Variants in HAVCR1 observed in about 807,000 individuals in gnomAD.
The protein encoded by HAVCR1 is T cell immunoglobin domain and mucin domain protein 1.
Under a neutral mutation model 32.0 loss-of-function variants are expected in HAVCR1, and 34 were observed. The observed-to-expected ratio is 1.06, with a 90% CI of 0.81 to 1.42. HAVCR1 has a LOEUF of 1.42. HAVCR1 is among the 40% of genes most tolerant of loss of function. HAVCR1 has a pLI of 0.00. For missense variants in HAVCR1, 420 were observed against 442.3 expected (o/e 0.95, Z 0.45); for synonymous variants, 178 against 170.3 (o/e 1.05, Z -0.35).
At chr5:157,060,221 T>TAAC (rs769179026), upstream of HAVCR1, among the ~76,000 whole-genome samples, 4 of 149,718 alleles carry the variant, frequency 2.7e-5, no homozygotes, top group South Asian at 2.1e-4. Context: ...CTCAGAAAAA[T>TAAC]AATAATAATA....
intron 2 of HAVCR1, among the ~76,000 whole-genome samples, chr5:157,056,063 C>T (rs1429566269): frequency 6.6e-6 from 1 of 151,890 alleles, no homozygotes; most frequent in Non-Finnish European, 1.5e-5. Context: ...AATTCTCATG[C>T]ATCAGCCTCC....
intron 5 of HAVCR1, among the ~76,000 whole-genome samples, chr5:157,043,794 C>G (rs991196355): frequency 1.3e-5 from 2 of 152,170 alleles, no homozygotes; most frequent in Non-Finnish European, 2.9e-5. Flanking sequence ...TCCTTAATCC[C>G]ATTTTTATGG....
chr5:157,044,389 GA>G (rs1286291773), intron 5 of HAVCR1, among the ~76,000 whole-genome samples: 1 of 39,764 alleles, frequency 2.5e-5, no homozygotes, highest in Non-Finnish European at 4.6e-5. Context: ...AGGAAGGAAG[GA>G]AGGAAGGAAG....
rs199852996 is a variant in HAVCR1, at chr5:157,044,670, A to G, written c.782-1988T>C. 7.0e-3 allele frequency among the ~76,000 whole-genome samples: 561 copies of G among 80,476 alleles called. 16 individuals are homozygous for G. The highest frequency in any genetic ancestry group is 0.028 in the East Asian group (28 of 988). 52.8% of individuals were successfully genotyped at this position (80,476 alleles called of 152,430 possible). On this transcript the variant is annotated intron_variant, in intron 5 of 8. Coordinates refer to ENST00000523175, the MANE Select transcript of HAVCR1 (RefSeq NM_001173393.3). ...GAAAGAAAGAAAGAAAGAAAGAAAGAAAGAAAGGAGGGAGGGAGGAAGGAA... is the reference window on the plus strand; with the variant it reads ...GAAAGAAAGAAAGAAAGAAAGAAAGGAAGAAAGGAGGGAGGGAGGAAGGAA...
chr5:157,050,388 C>T (rs1755668677), intron 4 of HAVCR1, among the ~76,000 whole-genome samples: 1 of 152,064 alleles, frequency 6.6e-6, no homozygotes, highest in South Asian at 2.1e-4. Context: ...CAATTGTTCC[C>T]TGGAGTTTTA....
chr5:157,062,435 C>A (rs774443505), upstream of HAVCR1, among the ~76,000 whole-genome samples: 1 of 152,188 alleles, frequency 6.6e-6, no homozygotes, highest in Non-Finnish European at 1.5e-5. Context: ...TCACCACTTA[C>A]TTCCCTGCTA....
chr5:157,045,503 G>A (rs1755340774), intron 5 of HAVCR1, among the ~76,000 whole-genome samples: 2 of 152,140 alleles, frequency 1.3e-5, no homozygotes, highest in Admixed American at 6.6e-5. Flanking sequence ...ATCATTCAAA[G>A]AGGAATGTTC....
At chr5:157,044,615 G>GAAAGAAAAAGAAAGAA (rs760337335) in intron 5 of HAVCR1, among the ~76,000 whole-genome samples, 6 of 52,726 alleles carry the variant, frequency 1.1e-4, no homozygotes, top group African/African-American at 3.2e-4. Flanking sequence ...AAGAAAGAAA[G>GAAAGAAAAAGAAAGAA]AGAAAGAAAG....
At chr5:157,039,253 T>G (rs1754721038) in intron 6 of HAVCR1, among the ~76,000 whole-genome samples, 1 of 152,230 alleles carries the variant, frequency 6.6e-6, no homozygotes, top group Non-Finnish European at 1.5e-5. Context: ...CTATATGAAC[T>G]ATAGTATATC....
At chr5:157,059,162 A>G (rs1198067611), upstream of HAVCR1, 1 of 152,276 alleles carries the variant, frequency 6.6e-6, no homozygotes, top group Admixed American at 6.5e-5. Flanking sequence ...GCTCTGTGTC[A>G]AGCACCCACA....
rs564795019 is a variant in HAVCR1, at chr5:157,057,702, C to T, written c.46+196G>A. On this transcript the variant is annotated intron_variant, in intron 2 of 8. Transcript: ENST00000523175. ...ATTTAGCCATGAATGTTGTAATTCA[C>T]AGCAGTTAAGCAATTTCTTTGGCCT... Among the ~76,000 whole-genome samples, 8 of 152,328 alleles carry T rather than the reference C, an allele frequency of 5.3e-5. No individual in the cohort carries two copies. In the South Asian group the frequency reaches 1.5e-3, roughly 28 times the overall value.
Position 157,055,220 on chromosome 5 carries a change from T to TA in HAVCR1, c.359dup (p.Ser121IlefsTer103). 6.5e-7 allele frequency: 1 copy of TA among 1,549,392 alleles called. No homozygotes were observed. Among genetic ancestry groups the TA allele is most frequent in the Non-Finnish European group, 8.8e-7 (1 of 1,130,920 alleles). On this transcript the variant is annotated frameshift_variant, in exon 3 of 9. Coordinates refer to ENST00000523175, the MANE Select transcript of HAVCR1 (RefSeq NM_001173393.3). LOFTEE classifies it high-confidence loss of function. Reference sequence around the variant, plus strand: ...ACTTACGTGGCACAATCTCCAATGATACGGTGATTTTCATGTCATTGAACC... The same window carrying TA: ...ACTTACGTGGCACAATCTCCAATGATAACGGTGATTTTCATGTCATTGAACC...
intron 6 of HAVCR1, among the ~76,000 whole-genome samples, chr5:157,041,740 T>C (rs544952355): frequency 6.6e-6 from 1 of 152,212 alleles, no homozygotes; most frequent in East Asian, 1.9e-4. Flanking sequence ...CCTTGGTGTG[T>C]TATCTTAACT....
intron 5 of HAVCR1, among the ~76,000 whole-genome samples, chr5:157,044,676 A>AGAAAGAAGGGAG (rs142603344): frequency 3.7e-5 from 4 of 109,454 alleles, no homozygotes; most frequent in South Asian, 3.6e-4. Flanking sequence ...AAAGAAAGAA[A>AGAAAGAAGGGAG]GGAGGGAGGG....
chr5:157,060,125 A>G (rs1483396636), upstream of HAVCR1, among the ~76,000 whole-genome samples: 1 of 152,184 alleles, frequency 6.6e-6, no homozygotes, highest in Non-Finnish European at 1.5e-5. Flanking sequence ...GTAAGTAAGC[A>G]ACTAATGAAA....
intron 2 of HAVCR1, among the ~76,000 whole-genome samples, chr5:157,056,597 G>A (rs1025020167): frequency 2.0e-5 from 3 of 150,648 alleles, no homozygotes; most frequent in Non-Finnish European, 4.4e-5. Flanking sequence ...AGCCAGGATG[G>A]TCTCGATTTC....
chr5:157,054,001 C>A (rs866454230), intron 3 of HAVCR1, among the ~76,000 whole-genome samples: 1 of 149,624 alleles, frequency 6.7e-6, no homozygotes, highest in Non-Finnish European at 1.5e-5. Flanking sequence ...GGCAACATAG[C>A]GAAACCATAT....
chr5:157,040,233 G>A (rs78944834), intron 6 of HAVCR1, among the ~76,000 whole-genome samples: 1 of 151,906 alleles, frequency 6.6e-6, no homozygotes, highest in Non-Finnish European at 1.5e-5. Context: ...GGGAGGCGGA[G>A]GTTGCAGTGA....
At chr5:157,043,255 C>T (rs1042006411) in intron 5 of HAVCR1, among the ~76,000 whole-genome samples, 1 of 152,148 alleles carries the variant, frequency 6.6e-6, no homozygotes, top group Non-Finnish European at 1.5e-5. Flanking sequence ...GCCACCAGAT[C>T]AAGCATATTA....
Sources: gnomAD v4.1 joint callset for allele counts (sites outside exome capture counted in the v4.1 genomes callset) on GRCh38, gnomAD v4.1.1 for gene constraint, MANE v1.5 for transcripts, NCBI Gene and HGNC (gene_info 2026-07-23, HGNC 2026-07-21) for gene names.